Variants in LILRB4 observed in about 807,000 individuals in gnomAD.
LILRB4 encodes leukocyte immunoglobulin like receptor B4, also known as leukocyte immunoglobulin-like receptor subfamily B member 4.
LILRB4 carries 49 observed loss-of-function variants against 55.2 expected under a neutral mutation model. The ratio of observed to expected loss-of-function variants is 0.89; its 90% CI spans 0.71 to 1.13. LILRB4 has a LOEUF of 1.13. Ranked by LOEUF, LILRB4 falls within the 50% of genes most tolerant of loss-of-function variation. The pLI is 0.00. For synonymous variants in LILRB4, 229 were observed against 213.8 expected, an observed-to-expected ratio of 1.07 and a Z score of -0.62; for missense variants, 590 against 555.2, an observed-to-expected ratio of 1.06 and a Z score of -0.63.
At chr19:54,667,500 C>G in intron 10 of LILRB4, 135 bp from the exon 11 acceptor site, 1 of 1,487,506 alleles carries the variant, frequency 6.7e-7, no homozygotes, top group Non-Finnish European at 9.0e-7. Flanking sequence ...CGGCCAGACC[C>G]TCCACGGCCT....
exon 3 of LILRB4, chr19:54,663,973 G>A (rs199821178): frequency 3.4e-5 from 55 of 1,613,990 alleles, no homozygotes; most frequent in Middle Eastern, 1.6e-4. Flanking sequence ...GGGAGATACC[G>A]CTGTTACTAT....
At chr19:54,664,902 C>G in intron 5 of LILRB4, 53 bp downstream of exon 5, 1 of 1,529,380 alleles carries the variant, frequency 6.5e-7, no homozygotes, top group Non-Finnish European at 9.0e-7. Flanking sequence ...AGGCCTGTCT[C>G]AAGACATGCT....
chr19:54,665,889 C>T lies in LILRB4; in HGVS notation c.832C>T (p.Leu278Phe), dbSNP rs747999108. 1.9e-6 allele frequency: 3 copies of T among 1,613,744 alleles called. No homozygotes were observed. The South Asian group carries it at 3.3e-5, about 18-fold the overall frequency. ...CCTGCTTCTCTCCCTCCTCCTCTTC[C>T]TCCTCCTCCAACACTGGCGTCAGGG... The change falls in exon 7 of 12, where the codon CTC becomes TTC. Residue 278 changes from leucine to phenylalanine, a missense_variant. Physicochemically the swap from Leu to Phe is conservative, Grantham distance 22. Coordinates refer to ENST00000430952, the Ensembl canonical transcript of LILRB4. The surrounding 1 kb of genome is among the most constrained non-coding windows in gnomAD (Gnocchi z 5.5).
In LILRB4 at chr19:54,664,782, CT is replaced by C; in HGVS notation, c.656-15del. 6.4e-7 allele frequency: 1 copy of C among 1,560,956 alleles called. No individual in the cohort carries two copies. Among genetic ancestry groups the C allele is most frequent in the South Asian group, 1.2e-5 (1 of 82,966 alleles). ...GGCAACCCCAGACTCTCACCCTCCT[CT>C]TGTCCTTCTACCCAGGATCCTTGGA... On this transcript the variant is annotated splice_polypyrimidine_tract_variant and intron_variant, in intron 4 of 11. Transcript: ENST00000430952.
rs1257477992 is a variant in LILRB4 at position 54,665,562 on chromosome 19, C to T, written c.758-253C>T. ...TCTGGTGCAGGAACAAGGGCTGCAG[C>T]TCAGACTCCCGGGTTTCCTTCCCAG... On this transcript the variant is annotated intron_variant, in intron 6 of 11. Coordinates refer to ENST00000430952, the Ensembl canonical transcript of LILRB4. This position sits in a 1 kb window ranked among gnomAD's most constrained non-coding sequence, Gnocchi z 5.5. Among the ~76,000 whole-genome samples, 1 of 152,112 alleles carries T rather than the reference C, an allele frequency of 6.6e-6. No homozygotes were observed. The highest frequency in any genetic ancestry group is 1.5e-5 in the Non-Finnish European group (1 of 68,002).
In LILRB4 at chr19:54,666,411, T is replaced by G; in HGVS notation, c.963T>G (p.Ala321=). ...TATCCTCCCCCAGGTCCAGCCCAGC[T>G]GCTGACGTCCAGGGAGAAAACTTCT... is the stretch of plus-strand genomic sequence containing the variant. Residue 321 remains alanine, a synonymous_variant, in exon 9 of 12, where the codon GCT becomes GCG. Transcript: ENST00000430952. This position sits in a 1 kb window ranked among gnomAD's most constrained non-coding sequence, Gnocchi z 4.8. 1 of 1,614,134 alleles carries G rather than the reference T, an allele frequency of 6.2e-7. No homozygotes were observed. Among genetic ancestry groups the G allele is most frequent in the Non-Finnish European group, 8.5e-7 (1 of 1,179,968 alleles).
intron 1 of LILRB4, 73 bp from the exon 2 acceptor site, chr19:54,663,459 A>G: frequency 6.6e-7 from 1 of 1,516,382 alleles, no homozygotes; most frequent in Non-Finnish European, 8.9e-7. Context: ...AAAAAAAAAA[A>G]AAAAATCTCA....
chr19:54,668,246 T>C, exon 12 of LILRB4: 1 of 532,464 alleles, frequency 1.9e-6, no homozygotes, highest in Non-Finnish European at 3.3e-6. Context: ...AGTTAACTGA[T>C]AAAACAAAAC....
Position 54,665,269 on chromosome 19 carries a change from G to A in LILRB4, c.757+89G>A, listed in dbSNP as rs1319028144. 7.0e-7 allele frequency: 1 copy of A among 1,434,886 alleles called. No homozygotes were observed. Among genetic ancestry groups the A allele is most frequent in the Non-Finnish European group, 9.5e-7 (1 of 1,056,450 alleles). 88.9% of individuals were successfully genotyped at this position (1,434,886 alleles called of 1,614,324 possible). A position where few individuals can be genotyped will look rare whatever the true frequency, so the allele number is the denominator to read the frequency against. On this transcript the variant is annotated intron_variant, in intron 6 of 11. Transcript: ENST00000430952. This position sits in a 1 kb window ranked among gnomAD's most constrained non-coding sequence, Gnocchi z 5.5. Reference sequence around the variant, plus strand: ...CTAGGTTAAGGCTCCTCTGGAGGTGGTGATGTGGACAGGCCCCTCCCCTGC... The same window carrying A: ...CTAGGTTAAGGCTCCTCTGGAGGTGATGATGTGGACAGGCCCCTCCCCTGC...
chr19:54,668,065 C>A (rs774533160), exon 12 of LILRB4: 1 of 1,609,908 alleles, frequency 6.2e-7, no homozygotes, highest in Admixed American at 1.7e-5. Context: ...CTCAGGACCC[C>A]AGAAGGCATG....
chr19:54,667,323 C>G, intron 10 of LILRB4: 1 of 595,558 alleles, frequency 1.7e-6, no homozygotes, highest in South Asian at 1.9e-5. Context: ...GAAGCCTGGA[C>G]GGAGAGGGCC....
chr19:54,667,622 T>C lies in LILRB4; in HGVS notation c.1042-16T>C, dbSNP rs1444765991. On this transcript the variant is annotated splice_polypyrimidine_tract_variant and intron_variant, in intron 10 of 11. Coordinates refer to ENST00000430952, the Ensembl canonical transcript of LILRB4. The stretch of plus-strand genomic sequence containing the variant: ...AGGATTCAAGGACACCCCCCACCAC[T>C]GTCTCTCTCCAGCAGAGCCCACACG... 3.1e-6 allele frequency: 5 copies of C among 1,610,030 alleles called. No homozygotes were observed. The highest frequency in any genetic ancestry group is 3.4e-6 in the Non-Finnish European group (4 of 1,179,126).
intron 10 of LILRB4, chr19:54,667,289 G>T: frequency 1.7e-6 from 1 of 581,506 alleles, no homozygotes. Context: ...GAAAGGGAGG[G>T]CTGTCTGCTC....
rs141743735 is a variant in LILRB4, at chr19:54,664,093, A to G, written c.355+55A>G. 4.1e-5 allele frequency: 65 copies of G among 1,602,792 alleles called. No individual in the cohort carries two copies. The African/African-American group carries it at 4.4e-4, about 11-fold the overall frequency. On this transcript the variant is annotated intron_variant, in intron 3 of 11. Coordinates refer to ENST00000430952, the Ensembl canonical transcript of LILRB4. Reference sequence around the variant, plus strand: ...AGGCTCTGCCCTCAGGAAGGGGGTCAGCTCTCAGGGGCATCTCCCTCTCAC... The same window carrying G: ...AGGCTCTGCCCTCAGGAAGGGGGTCGGCTCTCAGGGGCATCTCCCTCTCAC...
At chr19:54,667,196 C>G (rs1051350154) in intron 10 of LILRB4, 11 of 555,186 alleles carry the variant, frequency 2.0e-5, no homozygotes, top group Middle Eastern at 2.9e-4. Context: ...ATAAATGCAT[C>G]GTGTCCAGGA....
At chr19:54,664,592 G>T in intron 4 of LILRB4, 107 bp downstream of exon 4, 1 of 1,263,454 alleles carries the variant, frequency 7.9e-7, no homozygotes, top group Non-Finnish European at 1.1e-6. Context: ...GCCAGTGGGG[G>T]ACTCAGCCCT....
rs947694666 is a variant in LILRB4, at chr19:54,666,344, C to T, written c.950+29C>T. Reference sequence around the variant, plus strand: ...ATTCTGCCCAAAGACCTCAGACTCCCACCCATCCCAACAGCCACCTCACTG... The same window carrying T: ...ATTCTGCCCAAAGACCTCAGACTCCTACCCATCCCAACAGCCACCTCACTG... On this transcript the variant is annotated intron_variant, in intron 8 of 11. Coordinates refer to ENST00000430952, the Ensembl canonical transcript of LILRB4. The surrounding 1 kb of genome is among the most constrained non-coding windows in gnomAD (Gnocchi z 4.8). 7 of 1,610,314 alleles carry T rather than the reference C, an allele frequency of 4.3e-6. No homozygotes were observed. Among genetic ancestry groups the T allele is most frequent in the East Asian group, 4.5e-5 (2 of 44,858 alleles).
In LILRB4 at chr19:54,666,451, G is replaced by A; in HGVS notation, c.988+15G>A. Reference sequence around the variant, plus strand: ...AGAAAACTTCTGTGAGTGAGAGGCAGAGAAGGTGCACCTGGGGTGGAGCTG... The same window carrying A: ...AGAAAACTTCTGTGAGTGAGAGGCAAAGAAGGTGCACCTGGGGTGGAGCTG... On this transcript the variant is annotated intron_variant, in intron 9 of 11. Coordinates refer to ENST00000430952, the Ensembl canonical transcript of LILRB4. This position sits in a 1 kb window ranked among gnomAD's most constrained non-coding sequence, Gnocchi z 4.8. 3 of 1,614,112 alleles carry A rather than the reference G, an allele frequency of 1.9e-6. No homozygotes were observed. Among genetic ancestry groups the A allele is most frequent in the Non-Finnish European group, 2.5e-6 (3 of 1,179,936 alleles).
chr19:54,666,174 A>T lies in LILRB4; in HGVS notation c.875-66A>T, dbSNP rs1029218614. The T allele has an allele frequency of 4.2e-6, 6 of 1,443,596 alleles. No individual in the cohort carries two copies. In the African/African-American group the frequency reaches 8.6e-5, roughly 21 times the overall value. 89.4% of individuals were successfully genotyped at this position (1,443,596 alleles called of 1,614,324 possible). A position where few individuals can be genotyped will look rare whatever the true frequency, so the allele number is the denominator to read the frequency against. ...TATTTTCAGGTTTCCTTTCCTCTTG[A>T]CTTGCATGTGCAAGGCAGGTGGTTC... is the stretch of plus-strand genomic sequence containing the variant. On this transcript the variant is annotated intron_variant, in intron 7 of 11. Coordinates refer to ENST00000430952, the Ensembl canonical transcript of LILRB4. The surrounding 1 kb of genome is among the most constrained non-coding windows in gnomAD (Gnocchi z 4.8).
Sources: gnomAD v4.1 joint callset for allele counts (sites outside exome capture counted in the v4.1 genomes callset) on GRCh38, gnomAD v4.1.1 for gene constraint, Gnocchi (gnomAD v3.1) non-coding constraint, MANE v1.5 for transcripts, NCBI Gene and HGNC (gene_info 2026-07-23, HGNC 2026-07-21) for gene names.